Variants in LOC400499 observed in about 807,000 individuals in gnomAD.
At chr16:11,468,093 A>G in the LOC400499 span, among the ~76,000 whole-genome samples, 1 of 150,348 alleles carries the variant, frequency 6.7e-6, no homozygotes, top group Non-Finnish European at 1.5e-5. Context: ...AGGTGGGGAA[A>G]AAAAAAACAA....
chr16:11,469,086 A>C, the LOC400499 span: 2 of 398,796 alleles, frequency 5.0e-6, no homozygotes, highest in African/African-American at 2.1e-5. Flanking sequence ...AGGTGGTGGC[A>C]ATAGTTAACA....
chr16:11,453,683 G>T, the LOC400499 span, among the ~76,000 whole-genome samples: 1 of 151,894 alleles, frequency 6.6e-6, no homozygotes, highest in East Asian at 1.9e-4. Context: ...AGAGAAACAA[G>T]GAGGCCAGGT....
the LOC400499 span, among the ~76,000 whole-genome samples, chr16:11,372,956 G>A: frequency 6.6e-6 from 1 of 152,342 alleles, no homozygotes; most frequent in African/African-American, 2.4e-5. Flanking sequence ...AGGCAGCGGT[G>A]CTAGGCCCAG....
chr16:11,525,569 G>A, the LOC400499 span, among the ~76,000 whole-genome samples: 3 of 152,038 alleles, frequency 2.0e-5, no homozygotes, highest in Non-Finnish European at 2.9e-5. Context: ...CGGACACTGG[G>A]CACCAAATTA....
chr16:11,462,791 G>A, the LOC400499 span, among the ~76,000 whole-genome samples: 1 of 152,132 alleles, frequency 6.6e-6, no homozygotes, highest in Non-Finnish European at 1.5e-5. Flanking sequence ...AGACATAAAT[G>A]TAAGGGACTC....
chr16:11,435,888 A>G, the LOC400499 span: 1 of 399,172 alleles, frequency 2.5e-6, no homozygotes, highest in Non-Finnish European at 4.4e-6. Context: ...ACCTGCAGGG[A>G]GGCAGGGGAG....
chr16:11,450,342 G>A, the LOC400499 span, among the ~76,000 whole-genome samples: 3 of 152,330 alleles, frequency 2.0e-5, no homozygotes, highest in Non-Finnish European at 2.9e-5. Context: ...CCAAAGTCCC[G>A]TTTGACTTGC....
At chr16:11,396,585 G>C in the LOC400499 span, 1 of 1,232,198 alleles carries the variant, frequency 8.1e-7, no homozygotes, top group South Asian at 4.1e-5. Flanking sequence ...TGCAGGCCGT[G>C]GTCTGGGTCT....
chr16:11,512,239 G>A, the LOC400499 span, among the ~76,000 whole-genome samples: 1 of 151,726 alleles, frequency 6.6e-6, no homozygotes, highest in African/African-American at 2.4e-5. Context: ...CTGAGATCAT[G>A]CTACTGCACT....
the LOC400499 span, among the ~76,000 whole-genome samples, chr16:11,525,012 C>T: frequency 1.3e-5 from 2 of 152,158 alleles, no homozygotes; most frequent in African/African-American, 2.4e-5. Flanking sequence ...TGCCTGGGTA[C>T]GGTGGCTCAT....
chr16:11,456,296 A>C, the LOC400499 span, among the ~76,000 whole-genome samples: 1 of 152,062 alleles, frequency 6.6e-6, no homozygotes, highest in African/African-American at 2.4e-5. Flanking sequence ...CCGCCCCCAC[A>C]CCCAGCCTCC....
chr16:11,440,638 C>A, the LOC400499 span: 1 of 398,268 alleles, frequency 2.5e-6, no homozygotes, highest in Non-Finnish European at 4.4e-6. Flanking sequence ...CTGCCACCTC[C>A]TCAGACATCT....
the LOC400499 span, among the ~76,000 whole-genome samples, chr16:11,503,426 C>T: frequency 6.6e-6 from 1 of 152,156 alleles, no homozygotes; most frequent in South Asian, 2.1e-4. Context: ...TTGGCCTGAA[C>T]CCAAAGCCAC....
At chr16:11,373,793 T>C in the LOC400499 span, among the ~76,000 whole-genome samples, 5 of 152,190 alleles carry the variant, frequency 3.3e-5, no homozygotes, top group African/African-American at 1.2e-4. Flanking sequence ...CTAATTTTTA[T>C]ATTTTTAGTA....
chr16:11,491,809 C>G, the LOC400499 span: 1 of 398,982 alleles, frequency 2.5e-6, no homozygotes, highest in South Asian at 1.3e-4. Context: ...TCAGCATCCT[C>G]CTCCAGGGAT....
the LOC400499 span, chr16:11,475,559 G>T: frequency 2.5e-6 from 1 of 398,220 alleles, no homozygotes; most frequent in Non-Finnish European, 4.4e-6. Flanking sequence ...TCTGGAGCTG[G>T]CATTTTTCCC....
the LOC400499 span, among the ~76,000 whole-genome samples, chr16:11,508,443 C>T: frequency 6.6e-6 from 1 of 152,200 alleles, no homozygotes; most frequent in Non-Finnish European, 1.5e-5. Flanking sequence ...GTCAAAAGGA[C>T]TGTTGTGTGC....
At chr16:11,523,744 C>T in the LOC400499 span, among the ~76,000 whole-genome samples, 2 of 152,010 alleles carry the variant, frequency 1.3e-5, no homozygotes, top group Non-Finnish European at 2.9e-5. Context: ...GCTTCCACAT[C>T]CCTCATCACT....
At chr16:11,445,872 G>C in the LOC400499 span, among the ~76,000 whole-genome samples, 3 of 148,068 alleles carry the variant, frequency 2.0e-5, no homozygotes, top group Admixed American at 6.8e-5. Flanking sequence ...CTTGCTCTGT[G>C]GCCCAGGCTG....
Sources: gnomAD v4.1 joint callset for allele counts (sites outside exome capture counted in the v4.1 genomes callset) on GRCh38, gnomAD v4.1.1 for gene constraint, MANE v1.5 for transcripts.